The following RNASEH2C variants were observed in gnomAD, a reference collection of about 807,000 sequenced individuals.
The protein encoded by RNASEH2C is ribonuclease H2 subunit C.
A neutral mutation model predicts 16.3 loss-of-function variants in RNASEH2C; 20 were observed. The ratio of observed to expected loss-of-function variants is 1.23; its 90% CI spans 0.86 to 1.79. The LOEUF is 1.79. RNASEH2C is among the 40% of genes most tolerant of loss of function. The probability of loss-of-function intolerance (pLI) is 0.00; values close to 1 mark genes in which losing one functional copy is unlikely to be tolerated. For synonymous variants in RNASEH2C, 106 were observed against 98.9 expected, an observed-to-expected ratio of 1.07 and a Z score of -0.43; for missense variants, 296 against 235.9, an observed-to-expected ratio of 1.25 and a Z score of -1.67.
chr11:65,719,079 C>A lies in RNASEH2C; in HGVS notation c.*704G>T, dbSNP rs773165524. 1.4e-5 allele frequency: 22 copies of A among 1,614,048 alleles called. No individual in the cohort carries two copies. The highest frequency in any genetic ancestry group is 2.7e-5 in the African/African-American group (2 of 74,930). Reference sequence around the variant, plus strand: ...ACATCCTCACACTGTCAGAGGACATCGTGGATGGCCATGAGCGGGCCATGC... The same window carrying A: ...ACATCCTCACACTGTCAGAGGACATAGTGGATGGCCATGAGCGGGCCATGC... On this transcript the variant is annotated 3_prime_UTR_variant, in exon 4 of 4. Transcript: ENST00000308418.
chr11:65,720,091 T>G lies in RNASEH2C; in HGVS notation c.422A>C (p.Asp141Ala). The G allele has an allele frequency of 6.2e-7, 1 of 1,614,160 alleles. No individual in the cohort carries two copies. Among genetic ancestry groups the G allele is most frequent in the Non-Finnish European group, 8.5e-7 (1 of 1,180,046 alleles). The change falls in exon 3 of 4, where the codon GAT becomes GCT. Residue 141 changes from aspartate (D) to alanine (A), a missense_variant. By Grantham distance (126) the Asp-to-Ala change is moderately radical. Transcript: ENST00000308418. ...AGTTAAGGCCCCACGCACTTTGGCA[T>G]CCGGGCCAGGGATGGTCTCCAGACC... ...LWGLETIPGPDAKVRGALTWP... is the reference protein window; with the variant it reads ...LWGLETIPGPAAKVRGALTWP...
rs768739861 is a variant in RNASEH2C, at chr11:65,718,985, TG to T, written c.*797del. 2 of 1,613,934 alleles carry T rather than the reference TG, an allele frequency of 1.2e-6. No individual in the cohort carries two copies. The highest frequency in any genetic ancestry group is 2.7e-5 in the African/African-American group (2 of 74,916). ...GAGGCAGGCAGGGGAGACAGGTGTG[TG>T]GGATGCAGAGTGCAGTCCTCTGTGG... On this transcript the variant is annotated 3_prime_UTR_variant, in exon 4 of 4. Coordinates refer to ENST00000308418, the MANE Select transcript of RNASEH2C (RefSeq NM_032193.4).
chr11:65,720,518 C>A, intron 1 of RNASEH2C, 69 bp downstream of exon 1: 1 of 1,558,002 alleles, frequency 6.4e-7, no homozygotes, highest in East Asian at 2.3e-5. Context: ...CCCCAGGAGC[C>A]CAGGCGATGA....
Position 65,718,686 on chromosome 11 carries a change from C to G in RNASEH2C, c.*1097G>C. 1 of 1,614,204 alleles carries G rather than the reference C, an allele frequency of 6.2e-7. No homozygotes were observed. The highest frequency in any genetic ancestry group is 8.5e-7 in the Non-Finnish European group (1 of 1,180,034). ...TCCTATCGAAGCTACTGGTCCCAGACCATCCTGGAGATCCTGATGGGGCTG... is the reference window on the plus strand; with the variant it reads ...TCCTATCGAAGCTACTGGTCCCAGAGCATCCTGGAGATCCTGATGGGGCTG... On this transcript the variant is annotated 3_prime_UTR_variant, in exon 4 of 4. Transcript: ENST00000308418.
At position 65,719,225 on chromosome 11, in the gene RNASEH2C, G is replaced by A; in HGVS notation, c.*558C>T. ...AGTGCCAAGACGGCAGCAGGACTGG[G>A]GCTGATAGCCCACCCCGCCCCCACT... On this transcript the variant is annotated 3_prime_UTR_variant, in exon 4 of 4. Transcript: ENST00000308418. 1.2e-6 allele frequency: 2 copies of A among 1,603,242 alleles called. No individual in the cohort carries two copies. The highest frequency in any genetic ancestry group is 1.7e-6 in the Non-Finnish European group (2 of 1,175,100).
Position 65,719,259 on chromosome 11 carries a change from C to A in RNASEH2C, c.*524G>T. Reference sequence around the variant, plus strand: ...CCCACCCCGCCCCCACTGCAGCTCCCACAAAGCACTCTAAGGGAGATGGGG... The same window carrying A: ...CCCACCCCGCCCCCACTGCAGCTCCAACAAAGCACTCTAAGGGAGATGGGG... On this transcript the variant is annotated 3_prime_UTR_variant, in exon 4 of 4. Coordinates refer to ENST00000308418, the MANE Select transcript of RNASEH2C (RefSeq NM_032193.4). The A allele has an allele frequency of 6.6e-7, 1 of 1,526,276 alleles. No homozygotes were observed. The highest frequency in any genetic ancestry group is 1.2e-5 in the South Asian group (1 of 84,276). The allele number at this position is 1,526,276 out of a possible 1,614,324, so 94.5% of individuals were successfully genotyped here. A position where few individuals can be genotyped will look rare whatever the true frequency, so the allele number is the denominator to read the frequency against.
chr11:65,720,045 C>T lies in RNASEH2C; in HGVS notation c.468G>A (p.Ala156=), dbSNP rs61736590. Residue 156 remains alanine, a splice_region_variant and synonymous_variant, in exon 3 of 4, where the codon GCG becomes GCA. Transcript: ENST00000308418. ...AAGACGGAACTCCTCGTCTACTCACCGCTGCCGCAAGGCTGGGCCAAGTTA... is the reference window on the plus strand; with the variant it reads ...AAGACGGAACTCCTCGTCTACTCACTGCTGCCGCAAGGCTGGGCCAAGTTA... ...GALTWPSLAA[A]IHAQVPED is the part of the protein sequence containing the mutation. 1.2e-6 allele frequency: 2 copies of T among 1,613,482 alleles called. No homozygotes were observed. Among genetic ancestry groups the T allele is most frequent in the African/African-American group, 1.3e-5 (1 of 75,070 alleles).
intron 1 of RNASEH2C, 81 bp from the exon 2 acceptor site, chr11:65,720,498 G>T: frequency 2.5e-6 from 4 of 1,581,240 alleles, no homozygotes; most frequent in Non-Finnish European, 3.4e-6. Flanking sequence ...ACCTCCGGAC[G>T]GACCACGATC....
chr11:65,720,437 G>A lies in RNASEH2C; in HGVS notation c.173-20C>T, dbSNP rs1213798820. ...CGAGTCCTGGAGCGGGAGGCGCAAAGGGCCTCAGGCAGGACCCACGCTGGG... is the reference window on the plus strand; with the variant it reads ...CGAGTCCTGGAGCGGGAGGCGCAAAAGGCCTCAGGCAGGACCCACGCTGGG... On this transcript the variant is annotated intron_variant, in intron 1 of 3. Transcript: ENST00000308418. 2 of 1,612,418 alleles carry A rather than the reference G, an allele frequency of 1.2e-6. No homozygotes were observed.
At position 65,718,624 on chromosome 11, in the gene RNASEH2C, G is replaced by C; in HGVS notation, c.*1159C>G. The stretch of plus-strand genomic sequence containing the variant: ...TCTCCAAAGTGGAAGGGAAAACAGG[G>C]ACCCCTGAGAAGCCCCTCTCAGACC... On this transcript the variant is annotated 3_prime_UTR_variant, in exon 4 of 4. Coordinates refer to ENST00000308418, the MANE Select transcript of RNASEH2C (RefSeq NM_032193.4). 6.2e-7 allele frequency: 1 copy of C among 1,614,172 alleles called. No individual in the cohort carries two copies. The highest frequency in any genetic ancestry group is 8.5e-7 in the Non-Finnish European group (1 of 1,180,024).
chr11:65,719,073 G>A lies in RNASEH2C; in HGVS notation c.*710C>T, dbSNP rs1590970674. 3 of 1,614,170 alleles carry A rather than the reference G, an allele frequency of 1.9e-6. No homozygotes were observed. The highest frequency in any genetic ancestry group is 1.3e-5 in the African/African-American group (1 of 75,048). ...GCCAGTACATCCTCACACTGTCAGAGGACATCGTGGATGGCCATGAGCGGG... is the reference window on the plus strand; with the variant it reads ...GCCAGTACATCCTCACACTGTCAGAAGACATCGTGGATGGCCATGAGCGGG... On this transcript the variant is annotated 3_prime_UTR_variant, in exon 4 of 4. Coordinates refer to ENST00000308418, the MANE Select transcript of RNASEH2C (RefSeq NM_032193.4).
rs1353688570 is a variant in RNASEH2C at position 65,718,657 on chromosome 11, C to T, written c.*1126G>A. ...AGAAGCCCCTCTCAGACCTTGGCCT[C>T]CTATCCTATCGAAGCTACTGGTCCC... On this transcript the variant is annotated 3_prime_UTR_variant, in exon 4 of 4. Coordinates refer to ENST00000308418, the MANE Select transcript of RNASEH2C (RefSeq NM_032193.4). The T allele has an allele frequency of 2.5e-6, 4 of 1,614,194 alleles. No individual in the cohort carries two copies. The South Asian group carries it at 3.3e-5, about 13-fold the overall frequency.
intron 3 of RNASEH2C, 69 bp downstream of exon 3, chr11:65,719,976 C>T (rs773538574): frequency 1.2e-6 from 2 of 1,609,430 alleles, no homozygotes; most frequent in East Asian, 2.2e-5. Context: ...ATCCTCCAGG[C>T]TCCGTCTGCG....
chr11:65,720,726 CCT>C lies in RNASEH2C; in HGVS notation c.31_32del (p.Arg11AlafsTer94). On this transcript the variant is annotated frameshift_variant, in exon 1 of 4. Transcript: ENST00000308418. LOFTEE classifies it high-confidence loss of function. Reference protein sequence around the residue: MESGDEAAIERHRVHLRSATL... With the variant: MESGDEAAIEXHRVHLRSATL... ...TGGCGGAGCGCAAGTGGACGCGGTG[CCT>C]CTCGATGGCCGCTTCGTCGCCGCTC... 1 of 1,597,552 alleles carries C rather than the reference CCT, an allele frequency of 6.3e-7. No homozygotes were observed. Among genetic ancestry groups the C allele is most frequent in the Non-Finnish European group, 8.5e-7 (1 of 1,176,070 alleles).
rs953008655 is a variant in RNASEH2C at position 65,718,538 on chromosome 11, C to T, written c.*1245G>A. ...TGGCAACCTGTGTTTTTAAATGTTG[C>T]TTATGTTCATCTGTGACCTCTTACT... On this transcript the variant is annotated 3_prime_UTR_variant, in exon 4 of 4. Transcript: ENST00000308418. 1.7e-5 allele frequency: 26 copies of T among 1,574,078 alleles called. No individual in the cohort carries two copies. The highest frequency in any genetic ancestry group is 2.1e-5 in the Non-Finnish European group (24 of 1,155,148).
chr11:65,719,921 G>A (rs753934228), intron 3 of RNASEH2C, 112 bp from the exon 4 acceptor site: 7 of 1,604,436 alleles, frequency 4.4e-6, no homozygotes, highest in Non-Finnish European at 3.4e-6. Context: ...GACATGCTAG[G>A]AAGAGTGGTC....
chr11:65,719,500 T>G lies in RNASEH2C; in HGVS notation c.*283A>C. The G allele has an allele frequency of 1.6e-6, 1 of 610,428 alleles. No individual in the cohort carries two copies. The highest frequency in any genetic ancestry group is 2.9e-6 in the Non-Finnish European group (1 of 346,660). 37.8% of individuals were successfully genotyped at this position (610,428 alleles called of 1,614,324 possible). ...ACAGAGGGCTGGTGATTGTAAAAAT[T>G]TCTTTTGTAAAGTAGAAGTTGGGGG... On this transcript the variant is annotated 3_prime_UTR_variant, in exon 4 of 4. Transcript: ENST00000308418.
chr11:65,719,573 T>G lies in RNASEH2C; in HGVS notation c.*210A>C, dbSNP rs1193261582. 3 of 650,896 alleles carry G rather than the reference T, an allele frequency of 4.6e-6. No homozygotes were observed. Among genetic ancestry groups the G allele is most frequent in the Non-Finnish European group, 8.2e-6 (3 of 367,986 alleles). 40.3% of individuals were successfully genotyped at this position (650,896 alleles called of 1,614,324 possible). On this transcript the variant is annotated 3_prime_UTR_variant, in exon 4 of 4. Transcript: ENST00000308418. ...AATTTCTGGCTTCTCTTACCCCTATTGCCCCCGGCAATAAATTGTTTCTAT... is the reference window on the plus strand; with the variant it reads ...AATTTCTGGCTTCTCTTACCCCTATGGCCCCCGGCAATAAATTGTTTCTAT...
rs776098553 is a variant in RNASEH2C at position 65,720,075 on chromosome 11, C to T, written c.438G>A (p.Gly146=). The change falls in exon 3 of 4, where the codon GGG becomes GGA. Residue 146 remains glycine (G), a synonymous_variant. Transcript: ENST00000308418. ...TIPGPDAKVR[G]ALTWPSLAAA... is the part of the protein sequence containing the mutation. ...CCGCAAGGCTGGGCCAAGTTAAGGC[C>T]CCACGCACTTTGGCATCCGGGCCAG... The T allele has an allele frequency of 1.2e-6, 2 of 1,614,098 alleles. No homozygotes were observed. Among genetic ancestry groups the T allele is most frequent in the Admixed American group, 1.7e-5 (1 of 60,024 alleles).
Sources: gnomAD v4.1 joint callset for allele counts on GRCh38, gnomAD v4.1.1 for gene constraint, MANE v1.5 for transcripts, NCBI Gene and HGNC (gene_info 2026-07-23, HGNC 2026-07-21) for gene names.